CYTH3: variants seen among roughly 807,000 people sequenced by gnomAD.
CYTH3 encodes cytohesin-3.
In CYTH3, 23 loss-of-function variants were observed where a neutral mutation model predicts 55.1. That is an observed-to-expected ratio of 0.42 (90% CI 0.30 to 0.59). The LOEUF (loss-of-function observed/expected upper bound fraction) is 0.59, where lower values mean the gene tolerates loss of function less well. Among genes scored for constraint, CYTH3 ranks in the 20% least tolerant of loss-of-function variants. The pLI is 0.20. For synonymous variants in CYTH3, 249 were observed against 194.9 expected, an observed-to-expected ratio of 1.28 and a Z score of -2.31; for missense variants, 413 against 524.8, an observed-to-expected ratio of 0.79 and a Z score of 2.08.
intron 1 of CYTH3, among the ~76,000 whole-genome samples, chr7:6,195,429 G>A (rs527975068): frequency 3.9e-5 from 6 of 152,024 alleles, no homozygotes; most frequent in Admixed American, 3.3e-4. Context: ...TCTAAGTGTC[G>A]ATAAATTCCA....
intron 1 of CYTH3, among the ~76,000 whole-genome samples, chr7:6,215,835 A>G (rs1475342963): frequency 6.6e-6 from 1 of 152,208 alleles, no homozygotes; most frequent in African/African-American, 2.4e-5. Flanking sequence ...GAGGAGAAAG[A>G]TAATTCAAAT....
Position 6,272,529 on chromosome 7 carries a change from G to C in CYTH3, c.-22C>G. On this transcript the variant is annotated 5_prime_UTR_variant, in exon 1 of 13. Coordinates refer to ENST00000350796, the MANE Select transcript of CYTH3 (RefSeq NM_004227.4). ...CCATCTTGAGGCCACTCCCGCAGCC[G>C]GCGAGCCGGGGGCCGGCAGCAGAGG... The C allele has an allele frequency of 7.6e-7, 1 of 1,323,226 alleles. No individual in the cohort carries two copies. Among genetic ancestry groups the C allele is most frequent in the Non-Finnish European group, 9.8e-7 (1 of 1,024,514 alleles). 82.0% of individuals were successfully genotyped at this position (1,323,226 alleles called of 1,614,324 possible).
At chr7:6,259,812 T>A (rs1163387671) in intron 1 of CYTH3, among the ~76,000 whole-genome samples, 11 of 29,342 alleles carry the variant, frequency 3.7e-4, no homozygotes, top group South Asian at 1.1e-3. Context: ...TATATATATA[T>A]AATATATATA....
rs895714195 is a variant in CYTH3, at chr7:6,163,225, C to T, written c.*1719G>A. 2 of 152,456 alleles carry T rather than the reference C, an allele frequency of 1.3e-5. No homozygotes were observed. Among genetic ancestry groups the T allele is most frequent in the African/African-American group, 4.8e-5 (2 of 41,476 alleles). 9.4% of individuals were successfully genotyped at this position (152,456 alleles called of 1,614,324 possible). A position where few individuals can be genotyped will look rare whatever the true frequency, so the allele number is the denominator to read the frequency against. ...AGGCGAAGGGCCCGCAGCCGCTCGGCCTCCACTTCAAGGCAACTCAAAGAA... is the reference window on the plus strand; with the variant it reads ...AGGCGAAGGGCCCGCAGCCGCTCGGTCTCCACTTCAAGGCAACTCAAAGAA... On this transcript the variant is annotated 3_prime_UTR_variant, in exon 13 of 13. Coordinates refer to ENST00000350796, the MANE Select transcript of CYTH3 (RefSeq NM_004227.4).
At chr7:6,221,668 C>T (rs1314006330) in intron 1 of CYTH3, among the ~76,000 whole-genome samples, 2 of 151,498 alleles carry the variant, frequency 1.3e-5, no homozygotes, top group African/African-American at 4.9e-5. Flanking sequence ...ATCTTTGCAA[C>T]TTTCTGTGAA....
chr7:6,193,193 C>T (rs1003050668), intron 1 of CYTH3, among the ~76,000 whole-genome samples: 2 of 151,376 alleles, frequency 1.3e-5, no homozygotes, highest in Non-Finnish European at 1.5e-5. Flanking sequence ...GGAAATTGGG[C>T]AAATGACTTG....
intron 5 of CYTH3, among the ~76,000 whole-genome samples, chr7:6,176,602 T>A (rs1478057693): frequency 6.6e-6 from 1 of 152,232 alleles, no homozygotes; most frequent in East Asian, 1.9e-4. Flanking sequence ...GCAACCTTAC[T>A]GAATGTATTA....
At chr7:6,175,681 G>A (rs1042063437) in intron 5 of CYTH3, among the ~76,000 whole-genome samples, 1 of 151,138 alleles carries the variant, frequency 6.6e-6, no homozygotes, top group African/African-American at 2.4e-5. Flanking sequence ...CCGAGTGGCT[G>A]GGATTATAGA....
intron 1 of CYTH3, among the ~76,000 whole-genome samples, chr7:6,235,181 G>A (rs1583184607): frequency 6.6e-6 from 1 of 152,168 alleles, no homozygotes; most frequent in African/African-American, 2.4e-5. Context: ...CACGCAGTAA[G>A]AACTGCTTAG....
At chr7:6,254,947 T>C (rs2115052330) in intron 1 of CYTH3, among the ~76,000 whole-genome samples, 1 of 152,342 alleles carries the variant, frequency 6.6e-6, no homozygotes, top group African/African-American at 2.4e-5. Flanking sequence ...AAAGATATAA[T>C]AATCATATTG....
chr7:6,257,611 C>G (rs980712979), intron 1 of CYTH3, among the ~76,000 whole-genome samples: 1 of 152,104 alleles, frequency 6.6e-6, no homozygotes, highest in Admixed American at 6.5e-5. Flanking sequence ...AAAATATAAC[C>G]TAGCCAAGTT....
At chr7:6,265,634 A>G (rs1780473724) in intron 1 of CYTH3, among the ~76,000 whole-genome samples, 1 of 149,582 alleles carries the variant, frequency 6.7e-6, no homozygotes, top group Non-Finnish European at 1.5e-5. Context: ...AAAAAAAAAA[A>G]AGAAGAAGAA....
intron 9 of CYTH3, among the ~76,000 whole-genome samples, chr7:6,166,294 G>T (rs549862202): frequency 6.6e-6 from 1 of 152,242 alleles, no homozygotes; most frequent in African/African-American, 2.4e-5. Flanking sequence ...GCACACGCAC[G>T]TACCCCCATC....
intron 1 of CYTH3, among the ~76,000 whole-genome samples, chr7:6,263,982 C>G (rs903724085): frequency 6.6e-6 from 1 of 152,030 alleles, no homozygotes; most frequent in African/African-American, 2.4e-5. Flanking sequence ...TGCGGTTGCT[C>G]ACACCTGTAA....
chr7:6,215,545 G>A (rs566377304), intron 1 of CYTH3, among the ~76,000 whole-genome samples: 28 of 148,382 alleles, frequency 1.9e-4, no homozygotes, highest in Admixed American at 1.6e-3. Context: ...AGCCGAGATC[G>A]CGCCACCGCA....
intron 1 of CYTH3, among the ~76,000 whole-genome samples, chr7:6,229,534 G>A (rs1054609621): frequency 6.6e-6 from 1 of 151,970 alleles, no homozygotes; most frequent in African/African-American, 2.4e-5. Flanking sequence ...TCAGGGCTGG[G>A]CGCAGTGGTT....
intron 1 of CYTH3, chr7:6,212,738 G>A (rs1784348746): frequency 6.6e-6 from 1 of 152,192 alleles, no homozygotes; most frequent in Non-Finnish European, 1.5e-5. Flanking sequence ...CTTCGGACCA[G>A]CCTTCCTTCC....
intron 1 of CYTH3, among the ~76,000 whole-genome samples, chr7:6,247,738 T>C (rs537281233): frequency 6.6e-6 from 1 of 152,254 alleles, no homozygotes; most frequent in African/African-American, 2.4e-5. Context: ...TGACAACTTC[T>C]GGGCTCAAGC....
intron 1 of CYTH3, among the ~76,000 whole-genome samples, chr7:6,251,207 G>A (rs185045306): frequency 4.6e-5 from 7 of 152,182 alleles, no homozygotes; most frequent in East Asian, 3.9e-4. Flanking sequence ...TCCAGGTGGC[G>A]GAGGTTGCAG....
Sources: gnomAD v4.1 joint callset for allele counts (sites outside exome capture counted in the v4.1 genomes callset) on GRCh38, gnomAD v4.1.1 for gene constraint, MANE v1.5 for transcripts, NCBI Gene and HGNC (gene_info 2026-07-23, HGNC 2026-07-21) for gene names.